WDR43: variants seen among roughly 807,000 people sequenced by gnomAD.
The protein encoded by WDR43 is WD repeat-containing protein 43.
Under a neutral mutation model 91.4 loss-of-function variants are expected in WDR43, and 13 were observed. The ratio of observed to expected loss-of-function variants is 0.14; its 90% CI spans 0.09 to 0.23. The LOEUF (loss-of-function observed/expected upper bound fraction) is 0.23, where lower values mean the gene tolerates loss of function less well. Ranked by LOEUF, WDR43 falls within the 10% of genes least tolerant of loss-of-function variation. The pLI, the probability that WDR43 is intolerant of heterozygous loss-of-function variation, is 1.00. For missense variants in WDR43, 780 were observed against 809.4 expected (o/e 0.96, Z 0.44); for synonymous variants, 331 against 287.9 (o/e 1.15, Z -1.51).
At chr2:28,945,272 C>T (rs1275908395) in intron 16 of WDR43, among the ~76,000 whole-genome samples, 2 of 152,212 alleles carry the variant, frequency 1.3e-5, no homozygotes, top group African/African-American at 4.8e-5. Context: ...TATTGGATAA[C>T]ATTAGCACAC....
chr2:28,910,700 T>TATA (rs367699060), intron 3 of WDR43, among the ~76,000 whole-genome samples: 1 of 149,088 alleles, frequency 6.7e-6, no homozygotes, highest in Non-Finnish European at 1.5e-5. Context: ...TATATAATTA[T>TATA]TATTTTTATT....
chr2:28,923,877 T>TGAAGGATTTCAAGC (rs1671081503), intron 7 of WDR43, among the ~76,000 whole-genome samples: 1 of 151,964 alleles, frequency 6.6e-6, no homozygotes, highest in East Asian at 1.9e-4. Context: ...GGCAAACCAT[T>TGAAGGATTTCAAGC]GAAGGATTTC....
intron 6 of WDR43, 75 bp from the exon 7 acceptor site, chr2:28,922,844 C>A: frequency 9.9e-7 from 1 of 1,006,328 alleles, no homozygotes; most frequent in Admixed American, 3.3e-5. Context: ...GGAAGGACAG[C>A]TGAGTTTTCA....
chr2:28,906,928 A>G (rs1265925003), intron 3 of WDR43, among the ~76,000 whole-genome samples: 5 of 152,110 alleles, frequency 3.3e-5, no homozygotes, highest in African/African-American at 4.8e-5. Context: ...AATGCTTTCA[A>G]GGGTGGAGAA....
At chr2:28,941,244 T>A (rs1244421069) in intron 14 of WDR43, among the ~76,000 whole-genome samples, 1 of 152,234 alleles carries the variant, frequency 6.6e-6, no homozygotes, top group Non-Finnish European at 1.5e-5. Flanking sequence ...TCATTTTTTT[T>A]ATAAGCCTAT....
At chr2:28,901,077 C>G (rs1047432913) in intron 1 of WDR43, among the ~76,000 whole-genome samples, 7 of 152,086 alleles carry the variant, frequency 4.6e-5, no homozygotes, top group African/African-American at 1.7e-4. Context: ...GAGCTAAGAT[C>G]CTGCACTATT....
At chr2:28,905,779 C>T (rs547318856) in intron 2 of WDR43, among the ~76,000 whole-genome samples, 2 of 151,890 alleles carry the variant, frequency 1.3e-5, no homozygotes, top group East Asian at 3.9e-4. Flanking sequence ...ATTCTCCTGC[C>T]TCAGCCTCTC....
chr2:28,929,626 A>G lies in WDR43; in HGVS notation c.1353A>G (p.Lys451=), dbSNP rs201323949. Residue 451 remains lysine, a synonymous_variant, in exon 11 of 18, where the codon AAA becomes AAG. Coordinates refer to ENST00000407426, the MANE Select transcript of WDR43 (RefSeq NM_015131.3). The part of the protein sequence containing the change: ...RLGAMDIDTH[K]KGKEDLQTNS... ...GAGCAATGGATATAGACACACACAAAAAAGGAAAGGAAGACCTCCAGACGA... is the reference window on the plus strand; with the variant it reads ...GAGCAATGGATATAGACACACACAAGAAAGGAAAGGAAGACCTCCAGACGA... 26 of 1,613,808 alleles carry G rather than the reference A, an allele frequency of 1.6e-5. 1 individual carries two copies. The Admixed American group carries it at 4.3e-4, about 27-fold the overall frequency.
chr2:28,920,344 A>G lies in WDR43; in HGVS notation c.849+2349A>G, dbSNP rs547332885. ...AGGTTCAAATGATCCTTCTGCCTCA[A>G]TATCCCAAGTAGCTGGGATTACAGG... On this transcript the variant is annotated intron_variant, in intron 6 of 17. Transcript: ENST00000407426. 6.1e-5 allele frequency among the ~76,000 whole-genome samples: 9 copies of G among 148,322 alleles called. No individual in the cohort carries two copies. The East Asian group carries it at 8.0e-4, about 13-fold the overall frequency.
chr2:28,899,626 G>A (rs1176063632), intron 1 of WDR43, among the ~76,000 whole-genome samples: 2 of 152,098 alleles, frequency 1.3e-5, no homozygotes, highest in African/African-American at 4.8e-5. Flanking sequence ...TTGATCACAG[G>A]AATAACATGT....
chr2:28,934,843 A>G (rs1671309407), intron 11 of WDR43, among the ~76,000 whole-genome samples: 1 of 152,214 alleles, frequency 6.6e-6, no homozygotes, highest in South Asian at 2.1e-4. Context: ...CACCATTAGA[A>G]AGACTCTCTG....
chr2:28,924,208 C>T (rs1382088210), intron 7 of WDR43, among the ~76,000 whole-genome samples: 1 of 152,126 alleles, frequency 6.6e-6, no homozygotes, highest in Non-Finnish European at 1.5e-5. Context: ...GAGTGTCCAT[C>T]AACCTGGACA....
intron 11 of WDR43, among the ~76,000 whole-genome samples, chr2:28,935,027 A>G (rs185413108): frequency 1.2e-3 from 176 of 152,316 alleles, no homozygotes; most frequent in African/African-American, 1.9e-3. Flanking sequence ...GGTCTCCACC[A>G]TAGATGTACG....
chr2:28,901,101 C>G (rs1670570833), intron 1 of WDR43, among the ~76,000 whole-genome samples: 1 of 152,202 alleles, frequency 6.6e-6, no homozygotes, highest in South Asian at 2.1e-4. Context: ...AAGATATTCT[C>G]TTTTCTATGG....
At chr2:28,906,816 T>G (rs57693531) in intron 3 of WDR43, among the ~76,000 whole-genome samples, 39,244 of 152,154 alleles carry the variant, frequency 0.26, 6,271 homozygotes, top group East Asian at 0.77. Context: ...ATGTGACTAT[T>G]TGTCAGCCGA....
intron 1 of WDR43, among the ~76,000 whole-genome samples, chr2:28,901,437 C>G (rs1475309360): frequency 6.6e-6 from 1 of 152,226 alleles, no homozygotes; most frequent in African/African-American, 2.4e-5. Flanking sequence ...GTGCTCTGAG[C>G]TGCTCTACTA....
Position 28,894,833 on chromosome 2 carries a change from C to A in WDR43, c.135C>A (p.Asn45Lys). ...DGHLRVWETA[N>K]NRLHQEYVPS... ...ACTTACGAGTATGGGAGACGGCCAA[C>A]AACCGGCTGCACCAGGAGTACGTGC... Residue 45 changes from asparagine to lysine, a missense_variant, in exon 1 of 18, where the codon AAC becomes AAA. Around this residue, in one of 4 missense-constraint regions of WDR43, gnomAD observed 175 missense variants for 113.8 expected, o/e 1.54. Transcript: ENST00000407426. 3.7e-6 allele frequency: 6 copies of A among 1,611,266 alleles called. No homozygotes were observed. The highest frequency in any genetic ancestry group is 5.1e-6 in the Non-Finnish European group (6 of 1,178,818).
At chr2:28,909,044 C>G (rs1189092235) in intron 3 of WDR43, among the ~76,000 whole-genome samples, 1 of 152,066 alleles carries the variant, frequency 6.6e-6, no homozygotes, top group Non-Finnish European at 1.5e-5. Context: ...TCAGTTGTTT[C>G]TGGACACATC....
At chr2:28,930,568 G>T (rs890259537) in intron 11 of WDR43, among the ~76,000 whole-genome samples, 12 of 152,126 alleles carry the variant, frequency 7.9e-5, no homozygotes, top group Admixed American at 2.0e-4. Flanking sequence ...TGTGTGTATT[G>T]TGGAGGTAGA....
Sources: allele counts gnomAD v4.1 joint callset (sites outside exome capture counted in the v4.1 genomes callset), GRCh38; gene constraint gnomAD v4.1.1; regional missense constraint gnomAD v4.1.1; transcripts MANE v1.5; gene names NCBI Gene and HGNC (gene_info 2026-07-23, HGNC 2026-07-21).